MECOM: variants seen among roughly 807,000 people sequenced by gnomAD.
MECOM encodes the protein histone-lysine N-methyltransferase MECOM.
In MECOM, 13 loss-of-function variants were observed where a neutral mutation model predicts 116.3. The observed-to-expected ratio is 0.11, with a 90% CI of 0.07 to 0.18. The LOEUF (loss-of-function observed/expected upper bound fraction) is 0.18, where lower values mean the gene tolerates loss of function less well. Ranked by LOEUF, MECOM falls within the 10% of genes least tolerant of loss-of-function variation. The probability of loss-of-function intolerance (pLI) is 1.00; values close to 1 mark genes in which losing one functional copy is unlikely to be tolerated. For synonymous variants in MECOM, 528 were observed against 535.2 expected (o/e 0.99, Z 0.19); for missense variants, 1,299 against 1,509.0 (o/e 0.86, Z 2.31).
chr3:169,473,435 T>G (rs1446749944), intron 1 of MECOM, among the ~76,000 whole-genome samples: 3 of 152,216 alleles, frequency 2.0e-5, no homozygotes, highest in Admixed American at 6.5e-5. Flanking sequence ...GTCACTACTT[T>G]CTTGCTGTCC....
At chr3:169,128,911 C>T (rs1733772108) in intron 4 of MECOM, among the ~76,000 whole-genome samples, 1 of 152,170 alleles carries the variant, frequency 6.6e-6, no homozygotes, top group Non-Finnish European at 1.5e-5. Context: ...TAAAGCCACA[C>T]TCCGCACAGA....
At chr3:169,176,145 A>G (rs1428456360) in intron 2 of MECOM, among the ~76,000 whole-genome samples, 6 of 123,306 alleles carry the variant, frequency 4.9e-5, no homozygotes, top group African/African-American at 1.4e-4. Context: ...ATACACACCA[A>G]AAAAAAAAAA....
intron 9 of MECOM, among the ~76,000 whole-genome samples, chr3:169,111,362 T>C (rs1317228572): frequency 6.6e-6 from 1 of 152,156 alleles, no homozygotes; most frequent in African/African-American, 2.4e-5. Context: ...AACATTAATG[T>C]ATACATGAAT....
In MECOM at chr3:169,612,954, T is replaced by A. The variant is rs77960986; in HGVS notation, c.37+50382A>T. Among the ~76,000 whole-genome samples the A allele has an allele frequency of 6.6e-3, 1,003 of 152,288 alleles. 10 individuals are homozygous for A. Among genetic ancestry groups the A allele is most frequent in the African/African-American group, 0.023 (939 of 41,576 alleles). ...GCAAGGTAAGAGAAGAGAAGTTAAA[T>A]GAGAAGACAGAGAAAAGGTGAGAGA... is the stretch of plus-strand genomic sequence containing the variant. On this transcript the variant is annotated intron_variant, in intron 1 of 16. Coordinates refer to ENST00000651503, the MANE Select transcript of MECOM (RefSeq NM_004991.4).
chr3:169,126,777 A>G, intron 5 of MECOM, among the ~76,000 whole-genome samples: 1 of 152,190 alleles, frequency 6.6e-6, no homozygotes, highest in Non-Finnish European at 1.5e-5. Flanking sequence ...AGGCGTAACC[A>G]GGAGAAGAGG....
chr3:169,433,799 A>AG (rs1196517904), intron 1 of MECOM, among the ~76,000 whole-genome samples: 1 of 152,176 alleles, frequency 6.6e-6, no homozygotes, highest in Non-Finnish European at 1.5e-5. Flanking sequence ...GCAAATACAC[A>AG]GGGCTTGTCC....
intron 1 of MECOM, among the ~76,000 whole-genome samples, chr3:169,464,784 T>A (rs1748017372): frequency 6.6e-6 from 1 of 152,140 alleles, no homozygotes; most frequent in Non-Finnish European, 1.5e-5. Context: ...AACTCCACCA[T>A]TGTTCATGGT....
chr3:169,184,844 A>G (rs909917909), intron 2 of MECOM, among the ~76,000 whole-genome samples: 4 of 152,226 alleles, frequency 2.6e-5, no homozygotes, highest in Admixed American at 1.3e-4. Flanking sequence ...AATAGGTGGT[A>G]AGGCTTTAAA....
intron 1 of MECOM, among the ~76,000 whole-genome samples, chr3:169,630,478 G>T (rs1198341926): frequency 6.6e-6 from 1 of 150,574 alleles, no homozygotes. Flanking sequence ...AAAAGACAGA[G>T]TCACACTCTT....
intron 1 of MECOM, among the ~76,000 whole-genome samples, chr3:169,464,346 CTG>C (rs1747935565): frequency 1.3e-5 from 2 of 152,158 alleles, no homozygotes; most frequent in Non-Finnish European, 2.9e-5. Context: ...AAACATATCT[CTG>C]TGATCCTTTT....
chr3:169,372,796 A>G (rs1047664708), intron 2 of MECOM, among the ~76,000 whole-genome samples: 31 of 151,918 alleles, frequency 2.0e-4, no homozygotes, highest in Non-Finnish European at 8.8e-5. Context: ...AATTGGTTAG[A>G]TACAATTATT....
chr3:169,116,083 A>C lies in MECOM; in HGVS notation c.1789T>G (p.Ser597Ala), dbSNP rs772157371. 6.2e-7 allele frequency: 1 copy of C among 1,613,982 alleles called. No homozygotes were observed. The highest frequency in any genetic ancestry group is 8.5e-7 in the Non-Finnish European group (1 of 1,180,030). ...ATGTCACTTTCCAGATCAGAGCCCG[A>C]GGTTGTTTCCAGGTCACTGCCACTT... ...TPSGSDLETT[S>A]GSDLESDIES... The change falls in exon 8 of 17, where the codon TCG becomes GCG. Residue 597 changes from serine (S) to alanine (A), a missense_variant. By Grantham distance (99) the Ser-to-Ala change is moderately conservative. Around this residue, in one of 6 missense-constraint regions of MECOM, gnomAD observed 238 missense variants for 273.1 expected, o/e 0.87. Transcript: ENST00000651503.
intron 1 of MECOM, among the ~76,000 whole-genome samples, chr3:169,538,671 A>G (rs1363826387): frequency 1.3e-5 from 2 of 152,160 alleles, no homozygotes; most frequent in Non-Finnish European, 1.5e-5. Flanking sequence ...CTCAGCTACA[A>G]AGCAATGGAT....
At chr3:169,507,907 G>T (rs529285717) in intron 1 of MECOM, among the ~76,000 whole-genome samples, 56 of 151,412 alleles carry the variant, frequency 3.7e-4, no homozygotes, top group African/African-American at 1.2e-3. Flanking sequence ...CGATCTGCCC[G>T]CCTCGGCCTC....
chr3:169,130,644 G>A (rs747249000), intron 4 of MECOM, among the ~76,000 whole-genome samples: 2 of 152,122 alleles, frequency 1.3e-5, no homozygotes, highest in African/African-American at 2.4e-5. Context: ...AAGAGATGAA[G>A]GGTGGTGATC....
intron 1 of MECOM, among the ~76,000 whole-genome samples, chr3:169,643,854 G>C (rs1181746447): frequency 2.0e-5 from 3 of 152,152 alleles, no homozygotes; most frequent in Non-Finnish European, 2.9e-5. Flanking sequence ...TTTCTGTGTA[G>C]TGAAAAAGAT....
At chr3:169,649,013 TG>T (rs2110072962) in intron 1 of MECOM, among the ~76,000 whole-genome samples, 1 of 152,322 alleles carries the variant, frequency 6.6e-6, no homozygotes, top group East Asian at 1.9e-4. Flanking sequence ...ACGCAAAAAC[TG>T]TGAGCATGGA....
chr3:169,515,928 G>A (rs957313960), intron 1 of MECOM, among the ~76,000 whole-genome samples: 1 of 152,074 alleles, frequency 6.6e-6, no homozygotes, highest in Admixed American at 6.5e-5. Context: ...TCTGACTGGG[G>A]GGAAAATGCT....
At position 169,623,046 on chromosome 3, in the gene MECOM, G is replaced by C. The variant is rs555451559; in HGVS notation, c.37+40290C>G. Among the ~76,000 whole-genome samples, 5 of 152,252 alleles carry C rather than the reference G, an allele frequency of 3.3e-5. No homozygotes were observed. The South Asian group carries it at 1.0e-3, about 32-fold the overall frequency. ...GTGACACAGAACTAGGAGAGAAATC[G>C]CACAAAGAAGGGATCATTGAGATTT... On this transcript the variant is annotated intron_variant, in intron 1 of 16. Transcript: ENST00000651503.
Sources: gnomAD v4.1 joint callset for allele counts (sites outside exome capture counted in the v4.1 genomes callset) on GRCh38, gnomAD v4.1.1 for gene constraint, gnomAD v4.1.1 regional missense constraint, MANE v1.5 for transcripts, NCBI Gene and HGNC (gene_info 2026-07-23, HGNC 2026-07-21) for gene names.